Variants in SGCZ observed in about 807,000 individuals in gnomAD.
SGCZ encodes sarcoglycan zeta, also known as zeta-sarcoglycan.
In SGCZ, 40 loss-of-function variants were observed where a neutral mutation model predicts 41.3. The ratio of observed to expected loss-of-function variants is 0.97; its 90% CI spans 0.75 to 1.26. The LOEUF is 1.26. Ranked by LOEUF, SGCZ falls within the 50% of genes most tolerant of loss-of-function variation. The pLI is 0.00. For missense variants in SGCZ, 552 were observed against 369.8 expected, an observed-to-expected ratio of 1.49 and a Z score of -4.04; for synonymous variants, 206 against 137.5, an observed-to-expected ratio of 1.50 and a Z score of -3.49.
At chr8:14,733,156 C>A (rs1177964616) in intron 1 of SGCZ, among the ~76,000 whole-genome samples, 2 of 152,144 alleles carry the variant, frequency 1.3e-5, no homozygotes, top group African/African-American at 4.8e-5. Context: ...AGGGCTCTGA[C>A]ACTTTGAGCC....
At chr8:14,523,075 C>T (rs1802837588) in intron 2 of SGCZ, among the ~76,000 whole-genome samples, 6 of 151,860 alleles carry the variant, frequency 4.0e-5, no homozygotes, top group Admixed American at 3.9e-4. Flanking sequence ...GAAAACTTAC[C>T]TCCCTGTATA....
intron 5 of SGCZ, among the ~76,000 whole-genome samples, chr8:14,155,245 A>T (rs868098836): frequency 6.6e-6 from 1 of 152,278 alleles, no homozygotes. Flanking sequence ...GATTGTGCTA[A>T]ATCTCTTCAA....
At chr8:14,629,076 A>G (rs971863980) in intron 1 of SGCZ, among the ~76,000 whole-genome samples, 1 of 152,142 alleles carries the variant, frequency 6.6e-6, no homozygotes, top group African/African-American at 2.4e-5. Flanking sequence ...AGATTTGGGG[A>G]AAAATTTAAT....
At chr8:14,254,655 A>T (rs1229602398) in intron 3 of SGCZ, among the ~76,000 whole-genome samples, 1 of 152,230 alleles carries the variant, frequency 6.6e-6, no homozygotes. Context: ...ACAAGATAAA[A>T]TATTTTAAAT....
chr8:14,263,901 G>A (rs995566591), intron 3 of SGCZ, among the ~76,000 whole-genome samples: 5 of 152,214 alleles, frequency 3.3e-5, no homozygotes, highest in African/African-American at 9.6e-5. Context: ...GGACTTTGGC[G>A]TGGAGTCCCG....
At chr8:15,062,897 A>G (rs1428795716) in intron 1 of SGCZ, among the ~76,000 whole-genome samples, 1 of 152,148 alleles carries the variant, frequency 6.6e-6, no homozygotes, top group Admixed American at 6.5e-5. Context: ...CTAACTTTTT[A>G]AAGCATAGTT....
rs1001455769 is a variant in SGCZ, at chr8:14,086,309, T to C, written c.*4134A>G. Among the ~76,000 whole-genome samples, 1 of 151,742 alleles carries C rather than the reference T, an allele frequency of 6.6e-6. No individual in the cohort carries two copies. ...TGTTGACATTCTCTGCTATGAAATA[T>C]AACACTCATATGCATTAGACGCTCT... is the stretch of plus-strand genomic sequence containing the variant. On this transcript the variant is annotated 3_prime_UTR_variant, in exon 8 of 8. Coordinates refer to ENST00000382080, the MANE Select transcript of SGCZ (RefSeq NM_139167.4).
chr8:14,830,002 G>A (rs1006033616), intron 1 of SGCZ, among the ~76,000 whole-genome samples: 6 of 152,162 alleles, frequency 3.9e-5, no homozygotes, highest in African/African-American at 1.4e-4. Flanking sequence ...TAGTAGAGAC[G>A]GGGTTTTCAC....
At chr8:14,499,892 T>C (rs1228569560) in intron 2 of SGCZ, among the ~76,000 whole-genome samples, 3 of 152,082 alleles carry the variant, frequency 2.0e-5, no homozygotes, top group African/African-American at 7.2e-5. Context: ...TAAATATTTA[T>C]CAAGGGGAAC....
chr8:14,536,537 TG>T (rs1182693633), intron 2 of SGCZ, among the ~76,000 whole-genome samples: 2 of 151,658 alleles, frequency 1.3e-5, no homozygotes, highest in African/African-American at 4.8e-5. Context: ...AAAATTTTAA[TG>T]AAAAAAAAAC....
At chr8:15,163,731 T>G (rs542803496) in intron 1 of SGCZ, among the ~76,000 whole-genome samples, 1 of 152,372 alleles carries the variant, frequency 6.6e-6, no homozygotes, top group East Asian at 1.9e-4. Flanking sequence ...CTCTTAAATA[T>G]TTCTTTATTA....
At position 15,039,479 on chromosome 8, in the gene SGCZ, G is replaced by C. The variant is rs551568108; in HGVS notation, c.39+198106C>G. 2.0e-5 allele frequency among the ~76,000 whole-genome samples: 3 copies of C among 152,258 alleles called. No homozygotes were observed. In the South Asian group the frequency reaches 6.2e-4, roughly 32 times the overall value. Reference sequence around the variant, plus strand: ...ACCAAAGTTTGGAGGATCAGTGGGTGGGGTTGGGAAAATCAAAGGATGCAA... The same window carrying C: ...ACCAAAGTTTGGAGGATCAGTGGGTCGGGTTGGGAAAATCAAAGGATGCAA... On this transcript the variant is annotated intron_variant, in intron 1 of 7. Transcript: ENST00000382080.
intron 3 of SGCZ, among the ~76,000 whole-genome samples, chr8:14,270,088 T>G (rs1239868508): frequency 6.6e-6 from 1 of 152,030 alleles, no homozygotes; most frequent in African/African-American, 2.4e-5. Context: ...TCCCGGCACT[T>G]TGGGAGGCCG....
At chr8:14,157,398 T>C (rs1803911660) in intron 5 of SGCZ, among the ~76,000 whole-genome samples, 1 of 146,690 alleles carries the variant, frequency 6.8e-6, no homozygotes, top group South Asian at 2.1e-4. Flanking sequence ...GTGTGTATGC[T>C]CAGCCCATAG....
At chr8:15,094,275 C>T (rs1806255589) in intron 1 of SGCZ, among the ~76,000 whole-genome samples, 1 of 152,122 alleles carries the variant, frequency 6.6e-6, no homozygotes, top group Non-Finnish European at 1.5e-5. Context: ...ACTGAGATTA[C>T]AGGCGTGCAC....
chr8:14,854,107 T>C (rs1803457912), intron 1 of SGCZ, among the ~76,000 whole-genome samples: 1 of 147,776 alleles, frequency 6.8e-6, no homozygotes, highest in South Asian at 2.1e-4. Context: ...AGCTACAATA[T>C]CTCCTTGCAC....
intron 5 of SGCZ, among the ~76,000 whole-genome samples, chr8:14,157,118 A>T (rs1171643282): frequency 2.6e-5 from 4 of 151,998 alleles, no homozygotes; most frequent in African/African-American, 4.8e-5. Context: ...ATCATGACAA[A>T]CATATAAGTA....
intron 2 of SGCZ, among the ~76,000 whole-genome samples, chr8:14,448,425 C>A (rs1192931504): frequency 2.0e-5 from 3 of 152,156 alleles, no homozygotes; most frequent in Non-Finnish European, 4.4e-5. Flanking sequence ...ACAAGCCACA[C>A]TTTACTGCAC....
chr8:14,799,531 G>A (rs1240708912), intron 1 of SGCZ, among the ~76,000 whole-genome samples: 41 of 151,978 alleles, frequency 2.7e-4, no homozygotes, highest in Admixed American at 2.6e-3. Context: ...GCAAAGTCAG[G>A]AGAGACTCAA....
Sources: gnomAD v4.1 joint callset for allele counts (sites outside exome capture counted in the v4.1 genomes callset) on GRCh38, gnomAD v4.1.1 for gene constraint, MANE v1.5 for transcripts, NCBI Gene and HGNC (gene_info 2026-07-23, HGNC 2026-07-21) for gene names.